The following COMMD7 variants were observed in gnomAD, a reference collection of about 807,000 sequenced individuals.
COMMD7 encodes the protein COMM domain-containing protein 7.
COMMD7 carries 28 observed loss-of-function variants against 34.8 expected under a neutral mutation model. The observed-to-expected ratio is 0.80, with a 90% CI of 0.60 to 1.10. The LOEUF (loss-of-function observed/expected upper bound fraction) is 1.10. Ranked by LOEUF, COMMD7 falls within the 50% of genes least tolerant of loss-of-function variation. The probability of loss-of-function intolerance (pLI) is 0.00; values close to 1 mark genes in which losing one functional copy is unlikely to be tolerated. For missense variants in COMMD7, 211 were observed against 241.6 expected (o/e 0.87, Z 0.84); for synonymous variants, 80 against 86.4 (o/e 0.93, Z 0.41).
chr20:32,717,787 A>C lies in COMMD7; in HGVS notation c.241+10106T>G, dbSNP rs550589381. Among the ~76,000 whole-genome samples, 4 of 152,248 alleles carry C rather than the reference A, an allele frequency of 2.6e-5. No homozygotes were observed. The South Asian group carries it at 8.3e-4, about 32-fold the overall frequency. On this transcript the variant is annotated intron_variant, in intron 3 of 8. Transcript: ENST00000278980. ...GAAGTCAGGTGTTTCAAAGAATTACATACTAAATAGTACAAGAAAAACATT... is the reference window on the plus strand; with the variant it reads ...GAAGTCAGGTGTTTCAAAGAATTACCTACTAAATAGTACAAGAAAAACATT...
intron 8 of COMMD7, chr20:32,703,678 C>T (rs1006870447): frequency 7.0e-7 from 1 of 1,437,080 alleles, no homozygotes; most frequent in African/African-American, 1.4e-5. Context: ...TCAAATGGCA[C>T]AGCTCCATGG....
chr20:32,737,884 G>A (rs1324374293), intron 1 of COMMD7, among the ~76,000 whole-genome samples: 1 of 150,048 alleles, frequency 6.7e-6, no homozygotes, highest in Non-Finnish European at 1.5e-5. Flanking sequence ...CAAAGGAAGT[G>A]GTTTGTATTT....
intron 3 of COMMD7, among the ~76,000 whole-genome samples, chr20:32,722,334 C>T (rs1159726272): frequency 1.3e-5 from 2 of 150,976 alleles, no homozygotes; most frequent in Non-Finnish European, 1.5e-5. Flanking sequence ...ACAGAGGTCT[C>T]CTGAAAATTA....
In COMMD7 at chr20:32,720,213, C is replaced by T. The variant is rs141258042; in HGVS notation, c.241+7680G>A. Among the ~76,000 whole-genome samples the T allele has an allele frequency of 1.1e-3, 171 of 152,226 alleles. 2 individuals are homozygous for T. The highest frequency in any genetic ancestry group is 3.9e-3 in the African/African-American group (162 of 41,542). On this transcript the variant is annotated intron_variant, in intron 3 of 8. Coordinates refer to ENST00000278980, the MANE Select transcript of COMMD7 (RefSeq NM_053041.3). ...TATCTATAGAAAATGATCTGCTATA[C>T]GCCGGGCACAGTGGCTCACGCCTAT... is the stretch of plus-strand genomic sequence containing the variant.
At chr20:32,725,432 T>TTG (rs1368614681) in intron 3 of COMMD7, among the ~76,000 whole-genome samples, 3 of 16,112 alleles carry the variant, frequency 1.9e-4, no homozygotes, top group East Asian at 1.4e-3. Flanking sequence ...CTGTGTTTTG[T>TTG]TTTTTTTTTT....
chr20:32,704,767 C>T, intron 6 of COMMD7, 47 bp downstream of exon 6: 2 of 1,439,592 alleles, frequency 1.4e-6, no homozygotes. Flanking sequence ...CTCTGCACCC[C>T]AACCCTGTAC....
At chr20:32,725,068 T>C (rs1985427430) in intron 3 of COMMD7, among the ~76,000 whole-genome samples, 1 of 151,930 alleles carries the variant, frequency 6.6e-6, no homozygotes, top group Non-Finnish European at 1.5e-5. Flanking sequence ...GGATGTTCAC[T>C]GTGGCATTGT....
At chr20:32,703,909 A>G in intron 8 of COMMD7, 114 bp downstream of exon 8, 1 of 1,573,560 alleles carries the variant, frequency 6.4e-7, no homozygotes, top group Non-Finnish European at 8.6e-7. Flanking sequence ...CAGCTACTCC[A>G]CAGCTGGCAA....
At chr20:32,707,639 T>C (rs180702005) in intron 3 of COMMD7, among the ~76,000 whole-genome samples, 121 of 151,894 alleles carry the variant, frequency 8.0e-4, no homozygotes, top group African/African-American at 2.9e-3. Flanking sequence ...TTTTTTTAAT[T>C]GTACAACACA....
chr20:32,721,014 A>G (rs1985120051), intron 3 of COMMD7, among the ~76,000 whole-genome samples: 1 of 152,232 alleles, frequency 6.6e-6, no homozygotes, highest in Admixed American at 6.5e-5. Flanking sequence ...ACAAATCAGC[A>G]GGAACAATAG....
At chr20:32,712,082 C>G (rs572728315) in intron 3 of COMMD7, among the ~76,000 whole-genome samples, 1 of 151,178 alleles carries the variant, frequency 6.6e-6, no homozygotes, top group Admixed American at 6.6e-5. Context: ...CCAGCCTGAC[C>G]AACATGATGA....
intron 3 of COMMD7, among the ~76,000 whole-genome samples, chr20:32,709,879 T>C (rs1456641910): frequency 6.6e-6 from 1 of 151,606 alleles, no homozygotes; most frequent in Admixed American, 6.6e-5. Flanking sequence ...TCACATTTTT[T>C]CTTTTTTTAC....
At chr20:32,713,292 C>T (rs1446395629) in intron 3 of COMMD7, among the ~76,000 whole-genome samples, 1 of 152,150 alleles carries the variant, frequency 6.6e-6, no homozygotes, top group Non-Finnish European at 1.5e-5. Context: ...TCAGGTGATC[C>T]ACCCGCCTCG....
chr20:32,714,858 A>C (rs1452383665), intron 3 of COMMD7, among the ~76,000 whole-genome samples: 3 of 150,660 alleles, frequency 2.0e-5, no homozygotes, highest in African/African-American at 7.3e-5. Flanking sequence ...CAACAACAAA[A>C]ATTAGCCAGG....
At chr20:32,706,805 T>C in intron 3 of COMMD7, 45 bp from the exon 4 acceptor site, 1 of 1,519,850 alleles carries the variant, frequency 6.6e-7, no homozygotes, top group South Asian at 1.1e-5. Flanking sequence ...GACCAGTGAA[T>C]TAGTCGGCAA....
intron 1 of COMMD7, among the ~76,000 whole-genome samples, chr20:32,741,267 C>A (rs545189713): frequency 6.6e-6 from 1 of 151,388 alleles, no homozygotes; most frequent in Non-Finnish European, 1.5e-5. Flanking sequence ...AGTGCAATGG[C>A]TATTCACAGG....
intron 6 of COMMD7, among the ~76,000 whole-genome samples, 162 bp downstream of exon 6, chr20:32,704,652 G>C (rs1245535099): frequency 6.6e-6 from 1 of 152,154 alleles, no homozygotes; most frequent in African/African-American, 2.4e-5. Context: ...CTTATCCAGA[G>C]CCATGAAACA....
chr20:32,715,814 ATAAAT>A (rs1339317472), intron 3 of COMMD7, among the ~76,000 whole-genome samples: 5 of 152,322 alleles, frequency 3.3e-5, no homozygotes, highest in African/African-American at 1.2e-4. Context: ...CTCAAAAAAA[ATAAAT>A]TAATCAAAAA....
At chr20:32,741,154 C>CAA (rs753143284) in intron 1 of COMMD7, among the ~76,000 whole-genome samples, 1 of 112,646 alleles carries the variant, frequency 8.9e-6, no homozygotes, top group Non-Finnish European at 1.9e-5. Context: ...AACAAACAAA[C>CAA]AAACAAAAAA....
Sources: gnomAD v4.1 joint callset for allele counts (sites outside exome capture counted in the v4.1 genomes callset) on GRCh38, gnomAD v4.1.1 for gene constraint, MANE v1.5 for transcripts, NCBI Gene and HGNC (gene_info 2026-07-23, HGNC 2026-07-21) for gene names.